Variants in TRAPPC9 observed in about 807,000 individuals in gnomAD.
TRAPPC9 encodes the protein trafficking protein particle complex subunit 9.
In TRAPPC9, 83 loss-of-function variants were observed where a neutral mutation model predicts 124.0. The observed-to-expected ratio is 0.67, with a 90% CI of 0.56 to 0.80. The LOEUF (loss-of-function observed/expected upper bound fraction) is 0.80, where lower values mean the gene tolerates loss of function less well. TRAPPC9 is among the 30% of genes least tolerant of loss of function. The pLI is 0.00. For synonymous variants in TRAPPC9, 638 were observed against 617.5 expected (o/e 1.03, Z -0.49); for missense variants, 1,302 against 1,508.3 (o/e 0.86, Z 2.27).
chr8:140,411,697 G>A (rs1404511241), intron 5 of TRAPPC9, among the ~76,000 whole-genome samples: 5 of 152,124 alleles, frequency 3.3e-5, no homozygotes, highest in Admixed American at 2.6e-4. Context: ...ACTGATTGAG[G>A]AACATGTCAA....
intron 14 of TRAPPC9, among the ~76,000 whole-genome samples, chr8:140,277,309 G>C (rs2065158484): frequency 6.6e-6 from 1 of 152,190 alleles, no homozygotes; most frequent in Non-Finnish European, 1.5e-5. Context: ...AAATCAAGGT[G>C]AGCTCCTTGG....
At position 139,820,292 on chromosome 8, in the gene TRAPPC9, T is replaced by G. The variant is rs190496422; in HGVS notation, c.3055+65587A>C. 1.1e-4 allele frequency among the ~76,000 whole-genome samples: 16 copies of G among 152,166 alleles called. No homozygotes were observed. The East Asian group carries it at 3.1e-3, about 30-fold the overall frequency. ...GCCTCTTGGGTTCAAGCAATTCTCCTGCCTCAGCCTCCAGAGTAGCTGCGA... is the reference window on the plus strand; with the variant it reads ...GCCTCTTGGGTTCAAGCAATTCTCCGGCCTCAGCCTCCAGAGTAGCTGCGA... On this transcript the variant is annotated intron_variant, in intron 21 of 22. Transcript: ENST00000438773.
intron 17 of TRAPPC9, among the ~76,000 whole-genome samples, chr8:140,071,196 A>G (rs1843142079): frequency 6.6e-6 from 1 of 152,198 alleles, no homozygotes; most frequent in Non-Finnish European, 1.5e-5. Context: ...TGTCTGGCTT[A>G]TATTGAAACC....
intron 17 of TRAPPC9, among the ~76,000 whole-genome samples, chr8:140,146,303 G>A (rs1387732563): frequency 3.3e-5 from 5 of 152,240 alleles, no homozygotes; most frequent in African/African-American, 2.4e-5. Context: ...ACATGCCACT[G>A]CACATGCAGG....
At chr8:140,415,369 C>T (rs140988536) in intron 5 of TRAPPC9, among the ~76,000 whole-genome samples, 145 of 151,968 alleles carry the variant, frequency 9.5e-4, no homozygotes, top group African/African-American at 3.4e-3. Context: ...CCTAGGCCAA[C>T]ATGGTGAAAC....
At chr8:139,904,895 T>C (rs1831249119) in intron 20 of TRAPPC9, 1 of 152,150 alleles carries the variant, frequency 6.6e-6, no homozygotes, top group African/African-American at 2.4e-5. Flanking sequence ...TCCTCAACAA[T>C]GTGGCGTCAT....
chr8:139,893,771 G>C (rs1321358873), intron 20 of TRAPPC9, among the ~76,000 whole-genome samples: 1 of 152,212 alleles, frequency 6.6e-6, no homozygotes, highest in Non-Finnish European at 1.5e-5. Context: ...CTGGCCCTTG[G>C]CACAAAGTCG....
intron 14 of TRAPPC9, among the ~76,000 whole-genome samples, chr8:140,276,916 T>C (rs2065142024): frequency 6.6e-6 from 1 of 152,134 alleles, no homozygotes; most frequent in Non-Finnish European, 1.5e-5. Flanking sequence ...TAGTCCAGCA[T>C]ACTTGAGCCA....
rs1263442037 is a variant in TRAPPC9 at position 140,087,432 on chromosome 8, AC to A, written c.2557-63354del. On this transcript the variant is annotated intron_variant, in intron 17 of 22. Coordinates refer to ENST00000438773, the MANE Select transcript of TRAPPC9 (RefSeq NM_001160372.4). This position sits in a 1 kb window ranked among gnomAD's most constrained non-coding sequence, Gnocchi z 4.6. The stretch of plus-strand genomic sequence containing the variant: ...TCCCTGGAGCACAGATGGAACACCA[AC>A]AGGCTCCCGCACAGCCCCGCTGAAG... Among the ~76,000 whole-genome samples, 3 of 152,282 alleles carry A rather than the reference AC, an allele frequency of 2.0e-5. No individual in the cohort carries two copies. Among genetic ancestry groups the A allele is most frequent in the African/African-American group, 7.2e-5 (3 of 41,566 alleles).
chr8:140,371,663 T>C (rs938608899), intron 7 of TRAPPC9, among the ~76,000 whole-genome samples: 2 of 152,128 alleles, frequency 1.3e-5, no homozygotes, highest in African/African-American at 2.4e-5. Context: ...CCCAACTGAA[T>C]CCTCCCAACA....
At chr8:140,318,907 G>A (rs567926274) in intron 9 of TRAPPC9, among the ~76,000 whole-genome samples, 1 of 152,294 alleles carries the variant, frequency 6.6e-6, no homozygotes, top group Admixed American at 6.5e-5. Flanking sequence ...TATGAAGCCT[G>A]ACCACATATA....
chr8:140,013,254 G>A (rs913658454), intron 18 of TRAPPC9, among the ~76,000 whole-genome samples: 7 of 152,064 alleles, frequency 4.6e-5, no homozygotes, highest in Non-Finnish European at 7.4e-5. Flanking sequence ...CCGCCTCTCC[G>A]TGCACTCCTC....
chr8:140,086,683 C>T (rs139690097), intron 17 of TRAPPC9, among the ~76,000 whole-genome samples: 12 of 152,170 alleles, frequency 7.9e-5, no homozygotes, highest in African/African-American at 2.6e-4. Flanking sequence ...GCACTTTGGG[C>T]GGCCGAGGCT....
chr8:140,127,068 C>T (rs1277597659), intron 17 of TRAPPC9, among the ~76,000 whole-genome samples: 2 of 152,216 alleles, frequency 1.3e-5, no homozygotes, highest in African/African-American at 4.8e-5. Flanking sequence ...GACACCGCTT[C>T]TTCACTTTCA....
intron 21 of TRAPPC9, among the ~76,000 whole-genome samples, chr8:139,784,152 C>T (rs1320182291): frequency 1.3e-5 from 2 of 152,148 alleles, no homozygotes; most frequent in South Asian, 2.1e-4. Context: ...AAATAAAATG[C>T]ATTAGTTTGG....
intron 18 of TRAPPC9, among the ~76,000 whole-genome samples, chr8:140,019,315 A>G (rs1412066352): frequency 1.3e-5 from 2 of 152,158 alleles, no homozygotes; most frequent in African/African-American, 4.8e-5. Context: ...TGTTGGTATC[A>G]TAAAATGGAA....
At chr8:139,871,303 G>A (rs1828885624) in intron 21 of TRAPPC9, among the ~76,000 whole-genome samples, 1 of 152,150 alleles carries the variant, frequency 6.6e-6, no homozygotes. Flanking sequence ...TTAGCTCTTG[G>A]CTTATTAGGA....
chr8:140,221,662 G>A (rs1463259900), intron 16 of TRAPPC9, 79 bp from the exon 17 acceptor site: 17 of 1,522,656 alleles, frequency 1.1e-5, no homozygotes, highest in South Asian at 5.9e-5. Context: ...TGTTTGGGAC[G>A]GGTCTCGCTC....
In TRAPPC9 at chr8:140,311,310, G is replaced by A. The variant is rs886062724; in HGVS notation, c.1560C>T (p.Pro520=). 4.3e-6 allele frequency: 7 copies of A among 1,613,770 alleles called. No homozygotes were observed. The African/African-American group carries it at 6.7e-5, about 15-fold the overall frequency. Reference sequence around the variant, plus strand: ...GGGTGAGGCCGCCAGGGAGGGCGATGGGCTCCATGGTCCCAGGACACTTGG... The same window carrying A: ...GGGTGAGGCCGCCAGGGAGGGCGATAGGCTCCATGGTCCCAGGACACTTGG... The part of the protein sequence containing the change: ...YTSKCPGTME[P]IALPGGLTLP... The change falls in exon 10 of 23, where the codon CCC becomes CCT. Residue 520 remains proline, a synonymous_variant. Coordinates refer to ENST00000438773, the MANE Select transcript of TRAPPC9 (RefSeq NM_001160372.4).
Sources: allele counts gnomAD v4.1 joint callset (sites outside exome capture counted in the v4.1 genomes callset), GRCh38; gene constraint gnomAD v4.1.1; non-coding constraint Gnocchi (gnomAD v3.1); transcripts MANE v1.5; gene names NCBI Gene and HGNC (gene_info 2026-07-23, HGNC 2026-07-21).